The following PCDHA7 variants were observed in gnomAD, a reference collection of about 807,000 sequenced individuals.
PCDHA7 encodes protocadherin alpha-7.
In PCDHA7, 37 loss-of-function variants were observed where a neutral mutation model predicts 57.2. That is an observed-to-expected ratio of 0.65 (90% CI 0.50 to 0.85). PCDHA7 has a LOEUF of 0.85. PCDHA7 is among the 40% of genes least tolerant of loss of function. The probability of loss-of-function intolerance (pLI) is 0.00; values close to 1 mark genes in which losing one functional copy is unlikely to be tolerated. For synonymous variants in PCDHA7, 553 were observed against 558.8 expected (o/e 0.99, Z 0.15); for missense variants, 1,188 against 1,241.8 (o/e 0.96, Z 0.65).
At chr5:140,891,317 C>A (rs2063039508) in intron 1 of PCDHA7, among the ~76,000 whole-genome samples, 1 of 151,808 alleles carries the variant, frequency 6.6e-6, no homozygotes, top group South Asian at 2.1e-4. Context: ...TGAGTAAGTT[C>A]TTTGGTGGTG....
chr5:140,834,585 T>A lies in PCDHA7; in HGVS notation c.202T>A (p.Cys68Ser). 6.2e-7 allele frequency: 1 copy of A among 1,614,126 alleles called. No individual in the cohort carries two copies. The highest frequency in any genetic ancestry group is 8.5e-7 in the Non-Finnish European group (1 of 1,180,002). ...ELVPRLFRAV[C>S]KFRGDLLEVN... ...GGTGCCGCGCCTGTTCCGGGCGGTG[T>A]GCAAATTCCGTGGGGATCTTCTGGA... Residue 68 changes from cysteine to serine, a missense_variant, in exon 1 of 4, where the codon TGC (cysteine) becomes AGC (serine). Cys to Ser is a moderately radical substitution (Grantham distance 112, BLOSUM62 -1). Around this residue, in one of 3 missense-constraint regions of PCDHA7, gnomAD observed 194 missense variants for 185.8 expected, o/e 1.04. Transcript: ENST00000525929.
intron 1 of PCDHA7, among the ~76,000 whole-genome samples, chr5:140,898,262 C>G (rs2066619852): frequency 6.6e-6 from 1 of 152,130 alleles, no homozygotes; most frequent in Admixed American, 6.5e-5. Context: ...GAAGTCCTTG[C>G]CCATGCCTAA....
intron 1 of PCDHA7, chr5:140,969,554 TC>T: frequency 8.2e-7 from 1 of 1,222,072 alleles, no homozygotes; most frequent in Non-Finnish European, 1.1e-6. Context: ...TGAAGCCTTG[TC>T]CATAAAATTG....
chr5:140,869,936 C>T (rs1554163630), intron 1 of PCDHA7: 1 of 1,611,844 alleles, frequency 6.2e-7, no homozygotes, highest in South Asian at 1.1e-5. Flanking sequence ...GGAGAGGTAA[C>T]ATACTCCTTA....
In PCDHA7 at chr5:141,010,127, T is replaced by A. The variant is rs1419190844; in HGVS notation, c.*190T>A. On this transcript the variant is annotated 3_prime_UTR_variant, in exon 4 of 4. Transcript: ENST00000525929. ...TTTGTCGTAAAAGCTTTACTAAGTC[T>A]GGTGTTAACTCTTTCTCTCCACTCT... The A allele has an allele frequency of 1.9e-6, 3 of 1,602,472 alleles. No individual in the cohort carries two copies. Among genetic ancestry groups the A allele is most frequent in the Non-Finnish European group, 2.6e-6 (3 of 1,173,756 alleles).
rs2093245729 is a variant in PCDHA7 at position 140,942,201 on chromosome 5, G to A, written c.2356-36748G>A. Among the ~76,000 whole-genome samples, 3 of 151,938 alleles carry A rather than the reference G, an allele frequency of 2.0e-5. No individual in the cohort carries two copies. The South Asian group carries it at 6.2e-4, about 32-fold the overall frequency. On this transcript the variant is annotated intron_variant, in intron 1 of 3. Coordinates refer to ENST00000525929, the MANE Select transcript of PCDHA7 (RefSeq NM_018910.3). Reference sequence around the variant, plus strand: ...GACATTTTATTTAAAATACATTTTTGAGCATAAGATATTTAAAATGTGTAG... The same window carrying A: ...GACATTTTATTTAAAATACATTTTTAAGCATAAGATATTTAAAATGTGTAG...
chr5:140,911,971 C>G (rs1041878022), intron 1 of PCDHA7, among the ~76,000 whole-genome samples: 5 of 152,266 alleles, frequency 3.3e-5, no homozygotes, highest in African/African-American at 1.2e-4. Flanking sequence ...GGAGTATTAA[C>G]TCACATGATC....
intron 1 of PCDHA7, among the ~76,000 whole-genome samples, chr5:140,960,335 G>T (rs1362472967): frequency 1.3e-5 from 2 of 152,148 alleles, no homozygotes; most frequent in African/African-American, 4.8e-5. Context: ...AGAAGTACAT[G>T]AGGTGAGATA....
intron 1 of PCDHA7, chr5:140,929,251 G>A (rs782590821): frequency 6.2e-7 from 1 of 1,613,534 alleles, no homozygotes; most frequent in South Asian, 1.1e-5. Flanking sequence ...TGCCACTGGG[G>A]TAGGACTGAA....
chr5:140,902,127 C>G (rs2069118126), intron 1 of PCDHA7, among the ~76,000 whole-genome samples: 1 of 150,418 alleles, frequency 6.6e-6, no homozygotes, highest in African/African-American at 2.4e-5. Context: ...GAGATTATAT[C>G]ATCTGCAAAC....
At position 140,850,379 on chromosome 5, in the gene PCDHA7, G is replaced by T. The variant is rs2150481547; in HGVS notation, c.2355+13641G>T. On this transcript the variant is annotated intron_variant, in intron 1 of 3. Coordinates refer to ENST00000525929, the MANE Select transcript of PCDHA7 (RefSeq NM_018910.3). ...TCCCGTTCCGCGTGGGGCTGTACAC[G>T]GGCGAGATCAGCACAACGCGTGCCC... is the stretch of plus-strand genomic sequence containing the variant. 2.0e-5 allele frequency: 32 copies of T among 1,597,786 alleles called. 2 individuals carry two copies. Among genetic ancestry groups the T allele is most frequent in the Admixed American group, 3.4e-5 (2 of 59,250 alleles).
intron 1 of PCDHA7, among the ~76,000 whole-genome samples, chr5:140,880,962 A>G (rs1439455519): frequency 6.6e-6 from 1 of 152,224 alleles, no homozygotes; most frequent in Non-Finnish European, 1.5e-5. Context: ...GATGAGGGTA[A>G]GAGAATACCA....
At chr5:140,939,411 AT>A (rs797027145) in intron 1 of PCDHA7, among the ~76,000 whole-genome samples, 1 of 152,050 alleles carries the variant, frequency 6.6e-6, no homozygotes, top group East Asian at 1.9e-4. Context: ...GTAAATCAGC[AT>A]TTTTTTCTTC....
In PCDHA7 at chr5:140,842,440, C is replaced by A. The variant is rs1777947165; in HGVS notation, c.2355+5702C>A. On this transcript the variant is annotated intron_variant, in intron 1 of 3. Coordinates refer to ENST00000525929, the MANE Select transcript of PCDHA7 (RefSeq NM_018910.3). ...TTGGTACTGTCATCGCCCTAATTAG[C>A]GTGAACGACCTCGATTCAGGTGCCA... The A allele has an allele frequency of 1.9e-6, 3 of 1,613,638 alleles. No homozygotes were observed. The South Asian group carries it at 3.3e-5, about 18-fold the overall frequency.
chr5:140,884,054 G>C (rs1313975286), intron 1 of PCDHA7: 8 of 1,613,390 alleles, frequency 5.0e-6, no homozygotes, highest in Non-Finnish European at 4.2e-6. Context: ...GAAGGTGCGC[G>C]CGGTGGACGC....
rs797039275 is a variant in PCDHA7 at position 140,834,303 on chromosome 5, G to A, written c.-81G>A. Reference sequence around the variant, plus strand: ...ATGCACAACAATGGCCACACATCGAGATTGAAATGAAGGGATAAAAACATT... The same window carrying A: ...ATGCACAACAATGGCCACACATCGAAATTGAAATGAAGGGATAAAAACATT... On this transcript the variant is annotated 5_prime_UTR_variant, in exon 1 of 4. Transcript: ENST00000525929. 3.1e-6 allele frequency: 4 copies of A among 1,308,316 alleles called. No homozygotes were observed. The highest frequency in any genetic ancestry group is 2.2e-5 in the Admixed American group (1 of 45,182). 81.0% of individuals were successfully genotyped at this position (1,308,316 alleles called of 1,614,324 possible). A position where few individuals can be genotyped will look rare whatever the true frequency, so the allele number is the denominator to read the frequency against.
At chr5:140,986,246 C>G (rs561365390) in intron 3 of PCDHA7, among the ~76,000 whole-genome samples, 1 of 152,296 alleles carries the variant, frequency 6.6e-6, no homozygotes, top group South Asian at 2.1e-4. Flanking sequence ...TGAGCAGACC[C>G]GGACCACAGG....
In PCDHA7 at chr5:140,836,323, T is replaced by G. The variant is rs1408397134; in HGVS notation, c.1940T>G (p.Leu647Arg). 6.2e-7 allele frequency: 1 copy of G among 1,613,592 alleles called. No homozygotes were observed. Among genetic ancestry groups the G allele is most frequent in the East Asian group, 2.2e-5 (1 of 44,868 alleles). Residue 647 changes from leucine to arginine, a missense_variant, in exon 1 of 4, where the codon CTT becomes CGT. Physicochemically the swap from Leu to Arg is moderately radical, Grantham distance 102. Transcript: ENST00000525929. ...GAGACGGACGCACCGCGCCACCGCC[T>G]TCTGGTGCTTGTGAAGGACCACGGG... ...LDETDAPRHR[L>R]LVLVKDHGEP...
Position 140,920,894 on chromosome 5 carries a change from T to G in PCDHA7, c.2356-58055T>G, listed in dbSNP as rs114918834. Among the ~76,000 whole-genome samples the G allele has an allele frequency of 2.6e-3, 390 of 151,496 alleles. 2 individuals carry two copies. The highest frequency in any genetic ancestry group is 9.2e-3 in the African/African-American group (379 of 41,284). Reference sequence around the variant, plus strand: ...GTGGCCCTTAGAACTTAAAGTCATATTTTGGTTCTCAAATCAGTTCCAAGA... The same window carrying G: ...GTGGCCCTTAGAACTTAAAGTCATAGTTTGGTTCTCAAATCAGTTCCAAGA... On this transcript the variant is annotated intron_variant, in intron 1 of 3. Coordinates refer to ENST00000525929, the MANE Select transcript of PCDHA7 (RefSeq NM_018910.3).
Sources: gnomAD v4.1 joint callset for allele counts (sites outside exome capture counted in the v4.1 genomes callset) on GRCh38, gnomAD v4.1.1 for gene constraint, gnomAD v4.1.1 regional missense constraint, MANE v1.5 for transcripts, NCBI Gene and HGNC (gene_info 2026-07-23, HGNC 2026-07-21) for gene names.